The following OTC variants were observed in gnomAD, a reference collection of about 807,000 sequenced individuals.
OTC encodes ornithine transcarbamylase, also known as ornithine transcarbamylase, mitochondrial.
A neutral mutation model predicts 30.3 loss-of-function variants in OTC; 3 were observed. The observed-to-expected ratio is 0.10, with a 90% CI of 0.05 to 0.26. OTC has a LOEUF of 0.26. Ranked by LOEUF, OTC falls within the 10% of genes least tolerant of loss-of-function variation. The probability of loss-of-function intolerance (pLI) is 1.00; values close to 1 mark genes in which losing one functional copy is unlikely to be tolerated. For synonymous variants in OTC, 111 were observed against 99.7 expected (o/e 1.11, Z -0.67); for missense variants, 194 against 260.3 (o/e 0.75, Z 1.75).
At chrX:38,404,745 G>A (rs982673394) in intron 6 of OTC, among the ~76,000 whole-genome samples, 3 of 111,045 alleles carry the variant, frequency 2.7e-5, no homozygotes, top group Non-Finnish European at 5.7e-5. Flanking sequence ...CAGGGAAAGG[G>A]AAGAATCTAA....
At chrX:38,356,500 G>A (rs1311431313) in intron 1 of OTC, among the ~76,000 whole-genome samples, 1 of 111,492 alleles carries the variant, frequency 9.0e-6, no homozygotes, top group Non-Finnish European at 1.9e-5. Flanking sequence ...AAAGCCAGAG[G>A]GGTTCCTGTT....
chrX:38,393,211 G>T (rs1437503473), intron 4 of OTC, among the ~76,000 whole-genome samples: 1 of 112,148 alleles, frequency 8.9e-6, no homozygotes, highest in Non-Finnish European at 1.9e-5. Flanking sequence ...TTTACACATT[G>T]ATTGCAAACT....
the OTC span, among the ~76,000 whole-genome samples, chrX:38,336,585 G>T: frequency 9.1e-6 from 1 of 110,349 alleles, no homozygotes; most frequent in Admixed American, 9.8e-5. Context: ...GGAGCAATCT[G>T]GCTAGGACAC....
chrX:38,375,787 T>A (rs1348271268), intron 3 of OTC, among the ~76,000 whole-genome samples: 1 of 111,293 alleles, frequency 9.0e-6, no homozygotes, highest in Non-Finnish European at 1.9e-5. Flanking sequence ...GATATTTGAG[T>A]GTCACCAGCA....
At chrX:38,385,530 G>A (rs145683035) in intron 4 of OTC, among the ~76,000 whole-genome samples, 1,590 of 111,553 alleles carry the variant, frequency 0.014, 26 homozygotes, top group African/African-American at 0.049. Flanking sequence ...AGCCAGGTAC[G>A]CAATGCTGTA....
rs781211008 is a variant in OTC at position 38,401,374 on chromosome X, G to T, written c.486G>T (p.Gly162=). The T allele has an allele frequency of 8.3e-7, 1 of 1,204,686 alleles. No homozygotes were observed. The highest frequency in any genetic ancestry group is 1.8e-5 in the South Asian group (1 of 56,803). ...AKEASIPIIN[G]LSDLYHPIQI... is the part of the protein sequence containing the mutation. Reference sequence around the variant, plus strand: ...AAGCATCCATCCCAATTATCAATGGGCTGTCAGATTTGTACCATCCTATCC... The same window carrying T: ...AAGCATCCATCCCAATTATCAATGGTCTGTCAGATTTGTACCATCCTATCC... The change falls in exon 5 of 10, where the codon GGG becomes GGT. Residue 162 remains glycine, a synonymous_variant. Transcript: ENST00000039007.
At chrX:38,332,310 T>C in the OTC span, among the ~76,000 whole-genome samples, 1 of 106,340 alleles carries the variant, frequency 9.4e-6, no homozygotes, top group Non-Finnish European at 1.9e-5. Context: ...TACAATGTAA[T>C]AATAATAGAA....
At chrX:38,403,849 G>T in intron 6 of OTC, 109 bp downstream of exon 6, 2 of 884,346 alleles carry the variant, frequency 2.3e-6, no homozygotes, top group Non-Finnish European at 3.3e-6. Context: ...CACAGGTGAG[G>T]CCACAGAATT....
chrX:38,396,917 T>C (rs1424198260), intron 4 of OTC, among the ~76,000 whole-genome samples: 1 of 112,209 alleles, frequency 8.9e-6, no homozygotes, highest in Admixed American at 9.5e-5. Flanking sequence ...AGTTCACTTA[T>C]ATATGAGACC....
chrX:38,332,385 C>G, the OTC span, among the ~76,000 whole-genome samples: 5 of 101,749 alleles, frequency 4.9e-5, no homozygotes, highest in African/African-American at 1.8e-4. Context: ...CTTCCCCTCA[C>G]CCCCCATCCC....
the OTC span, among the ~76,000 whole-genome samples, chrX:38,340,773 A>G: frequency 1.8e-5 from 2 of 109,177 alleles, no homozygotes; most frequent in South Asian, 7.8e-4. Flanking sequence ...TCTTATCACC[A>G]TAGATTGGTT....
At chrX:38,403,571 A>G (rs1241667172) in intron 5 of OTC, 47 bp from the exon 6 acceptor site, 2 of 1,188,730 alleles carry the variant, frequency 1.7e-6, no homozygotes, top group Admixed American at 4.3e-5. Context: ...GCTACACATA[A>G]GCGAATTTAC....
At chrX:38,352,021 A>G (rs1045937624), upstream of OTC, among the ~76,000 whole-genome samples, 3 of 112,180 alleles carry the variant, frequency 2.7e-5, no homozygotes, top group African/African-American at 9.7e-5. Flanking sequence ...TCAGCCTCCC[A>G]AAGTGCTGGG....
chrX:38,340,387 C>G, the OTC span, among the ~76,000 whole-genome samples: 1 of 107,318 alleles, frequency 9.3e-6, no homozygotes, highest in Non-Finnish European at 1.9e-5. Context: ...ATAGCTTTAA[C>G]TTTAAGTTGA....
intron 3 of OTC, among the ~76,000 whole-genome samples, chrX:38,370,759 C>T (rs2068319312): frequency 9.0e-6 from 1 of 110,921 alleles, no homozygotes; most frequent in African/African-American, 3.3e-5. Context: ...TCTTTTCACC[C>T]GATAAACCCT....
intron 3 of OTC, among the ~76,000 whole-genome samples, chrX:38,377,691 G>C (rs997952668): frequency 3.6e-5 from 4 of 111,524 alleles, no homozygotes; most frequent in African/African-American, 1.3e-4. Flanking sequence ...CAATTAAAAT[G>C]TAAGTCAAAT....
chrX:38,396,650 C>G (rs781532684), intron 4 of OTC, among the ~76,000 whole-genome samples: 143 of 110,638 alleles, frequency 1.3e-3, no homozygotes, highest in Middle Eastern at 9.3e-3. Context: ...GCGCATGCCT[C>G]TAATCCAAGC....
chrX:38,352,457 C>T (rs1027220662), upstream of OTC: 1 of 374,621 alleles, frequency 2.7e-6, no homozygotes, highest in African/African-American at 2.6e-5. Context: ...ATAAAAGAGT[C>T]AGGATTTCTT....
intron 3 of OTC, 139 bp from the exon 4 acceptor site, chrX:38,381,203 A>G (rs772559151): frequency 1.9e-5 from 9 of 465,584 alleles, no homozygotes; most frequent in South Asian, 6.9e-5. Context: ...TTTGCTTTGC[A>G]TGGGAATTCT....
Sources: allele counts gnomAD v4.1 joint callset (sites outside exome capture counted in the v4.1 genomes callset), GRCh38; gene constraint gnomAD v4.1.1; transcripts MANE v1.5; gene names NCBI Gene and HGNC (gene_info 2026-07-23, HGNC 2026-07-21).